DSCAML1: variants seen among roughly 807,000 people sequenced by gnomAD.
DSCAML1 encodes cell adhesion molecule DSCAML1.
A neutral mutation model predicts 200.5 loss-of-function variants in DSCAML1; 38 were observed. That is an observed-to-expected ratio of 0.19 (90% CI 0.15 to 0.25). The LOEUF (loss-of-function observed/expected upper bound fraction) is 0.25, where lower values mean the gene tolerates loss of function less well. Ranked by LOEUF, DSCAML1 falls within the 10% of genes least tolerant of loss-of-function variation. The pLI, the probability that DSCAML1 is intolerant of heterozygous loss-of-function variation, is 1.00. For synonymous variants in DSCAML1, 1,215 were observed against 1,165.0 expected (o/e 1.04, Z -0.87); for missense variants, 2,223 against 2,858.8 (o/e 0.78, Z 5.07).
intron 3 of DSCAML1, among the ~76,000 whole-genome samples, chr11:117,752,303 C>G (rs1384090503): frequency 6.6e-6 from 1 of 152,110 alleles, no homozygotes; most frequent in Non-Finnish European, 1.5e-5. Flanking sequence ...AGGGGTGGAA[C>G]GACAATTTAT....
At position 117,450,630 on chromosome 11, in the gene DSCAML1, C is replaced by G; in HGVS notation, c.3627G>C (p.Val1209=). The change falls in exon 20 of 33, where the codon GTG becomes GTC. Residue 1209 remains valine (V), a synonymous_variant. Transcript: ENST00000651296. ...TGGGCTTGGTAGGGGGGAGCCAAGA[C>G]ACAACCACACTGCTAGCTGATGAAG... The part of the protein sequence containing the change: ...AVPSSASSVV[V]SWLPPTKPNG... 6.2e-7 allele frequency: 1 copy of G among 1,614,222 alleles called. No individual in the cohort carries two copies. The highest frequency in any genetic ancestry group is 8.5e-7 in the Non-Finnish European group (1 of 1,180,034).
chr11:117,490,245 G>A (rs747643097), intron 11 of DSCAML1, among the ~76,000 whole-genome samples: 5 of 152,198 alleles, frequency 3.3e-5, no homozygotes, highest in Non-Finnish European at 5.9e-5. Context: ...TGATGTAACC[G>A]GTTCCCGTCT....
At chr11:117,680,210 G>A (rs2137691857) in intron 3 of DSCAML1, among the ~76,000 whole-genome samples, 1 of 152,238 alleles carries the variant, frequency 6.6e-6, no homozygotes, top group African/African-American at 2.4e-5. Flanking sequence ...TTTCCATCAT[G>A]CAAATGGGAC....
rs2048881874 is a variant in DSCAML1, at chr11:117,480,171, C to G, written c.2785+272G>C. Among the ~76,000 whole-genome samples, 1 of 152,214 alleles carries G rather than the reference C, an allele frequency of 6.6e-6. No homozygotes were observed. The highest frequency in any genetic ancestry group is 1.5e-5 in the Non-Finnish European group (1 of 68,024). On this transcript the variant is annotated intron_variant, in intron 14 of 32. Coordinates refer to ENST00000651296, the MANE Select transcript of DSCAML1 (RefSeq NM_020693.4). This position sits in a 1 kb window ranked among gnomAD's most constrained non-coding sequence, Gnocchi z 4.1. ...TTACATGGCTTCAAATCAGACCACC[C>G]TTGGGGACCCTGGCCCAGGGACAGT...
intron 3 of DSCAML1, among the ~76,000 whole-genome samples, chr11:117,532,896 A>G (rs1382377566): frequency 6.6e-6 from 1 of 152,106 alleles, no homozygotes; most frequent in East Asian, 1.9e-4. Context: ...AGGCTGAGGC[A>G]GGAGGATCAC....
intron 3 of DSCAML1, among the ~76,000 whole-genome samples, chr11:117,771,668 G>A (rs543606723): frequency 1.3e-5 from 2 of 152,250 alleles, no homozygotes; most frequent in African/African-American, 2.4e-5. Context: ...GCTCACATCC[G>A]GGCCACATCT....
chr11:117,583,685 T>C (rs2051087039), intron 3 of DSCAML1, among the ~76,000 whole-genome samples: 2 of 152,236 alleles, frequency 1.3e-5, no homozygotes, highest in African/African-American at 4.8e-5. Context: ...TTGACCAGAT[T>C]AGGCCTGGAG....
chr11:117,730,869 A>G (rs1427745966), intron 3 of DSCAML1, among the ~76,000 whole-genome samples: 1 of 152,232 alleles, frequency 6.6e-6, no homozygotes, highest in Non-Finnish European at 1.5e-5. Flanking sequence ...GATGAACCTC[A>G]AAAACATTCT....
intron 3 of DSCAML1, among the ~76,000 whole-genome samples, chr11:117,706,233 G>A (rs933681265): frequency 2.0e-5 from 3 of 152,194 alleles, no homozygotes; most frequent in African/African-American, 7.2e-5. Flanking sequence ...TACATGAGCT[G>A]TGTCTGCTAG....
intron 1 of DSCAML1, among the ~76,000 whole-genome samples, chr11:117,786,606 T>C (rs1032420060): frequency 2.2e-4 from 34 of 152,140 alleles, no homozygotes; most frequent in African/African-American, 8.2e-4. Flanking sequence ...GATGGAAGTG[T>C]CTGTCTGCAG....
intron 3 of DSCAML1, among the ~76,000 whole-genome samples, chr11:117,623,906 G>A (rs1478802382): frequency 6.6e-6 from 1 of 152,138 alleles, no homozygotes; most frequent in Non-Finnish European, 1.5e-5. Flanking sequence ...TGAATAACAT[G>A]TGTTAAGACA....
chr11:117,697,559 G>C (rs2053604580), intron 3 of DSCAML1, among the ~76,000 whole-genome samples: 1 of 152,064 alleles, frequency 6.6e-6, no homozygotes, highest in African/African-American at 2.4e-5. Flanking sequence ...TCATCTTGCA[G>C]ATGAAACTCT....
Position 117,428,556 on chromosome 11 carries a change from G to A in DSCAML1, c.5934C>T (p.Ala1978=), listed in dbSNP as rs561070197. 1.9e-5 allele frequency: 30 copies of A among 1,549,816 alleles called. No homozygotes were observed. Among genetic ancestry groups the A allele is most frequent in the Middle Eastern group, 2.3e-4 (1 of 4,410 alleles). Residue 1978 remains alanine, a synonymous_variant, in exon 33 of 33, where the codon GCC becomes GCT. Coordinates refer to ENST00000651296, the MANE Select transcript of DSCAML1 (RefSeq NM_020693.4). ...TLPQRTLAMP[A]PPAGTAPPAP... is the part of the protein sequence containing the mutation. Reference sequence around the variant, plus strand: ...CTGGGGGGGCTGTGCCGGCTGGGGGGGCTGGCATGGCCAGAGTCCTCTGAG... The same window carrying A: ...CTGGGGGGGCTGTGCCGGCTGGGGGAGCTGGCATGGCCAGAGTCCTCTGAG...
intron 27 of DSCAML1, 60 bp from the exon 28 acceptor site, chr11:117,433,531 A>G: frequency 3.8e-6 from 6 of 1,573,446 alleles, no homozygotes; most frequent in South Asian, 2.3e-5. Flanking sequence ...CAGGATGACA[A>G]TGGGAGAGGC....
intron 3 of DSCAML1, among the ~76,000 whole-genome samples, chr11:117,685,690 G>A (rs1294011711): frequency 6.6e-6 from 1 of 152,190 alleles, no homozygotes; most frequent in Non-Finnish European, 1.5e-5. Flanking sequence ...GTACCTCTGG[G>A]TGACTTCCAG....
At chr11:117,569,001 G>A (rs1384114855) in intron 3 of DSCAML1, among the ~76,000 whole-genome samples, 1 of 152,120 alleles carries the variant, frequency 6.6e-6, no homozygotes. Flanking sequence ...AAAACAGCAT[G>A]GTACTGGTAC....
intron 3 of DSCAML1, among the ~76,000 whole-genome samples, chr11:117,682,559 G>T (rs576846312): frequency 6.6e-6 from 1 of 152,280 alleles, no homozygotes; most frequent in Non-Finnish European, 1.5e-5. Context: ...TAGGTGAAAA[G>T]AACTCCTACA....
intron 3 of DSCAML1, among the ~76,000 whole-genome samples, chr11:117,770,272 G>A (rs2055014167): frequency 6.6e-6 from 1 of 152,198 alleles, no homozygotes; most frequent in Non-Finnish European, 1.5e-5. Context: ...ACCCAGCAGG[G>A]GTCCAAGCTC....
chr11:117,435,520 C>T, intron 27 of DSCAML1, 124 bp downstream of exon 27: 2 of 1,165,680 alleles, frequency 1.7e-6, no homozygotes, highest in Non-Finnish European at 1.2e-6. Flanking sequence ...AGTGGCTGCT[C>T]CTCCTTCAAG....
Sources: allele counts gnomAD v4.1 joint callset (sites outside exome capture counted in the v4.1 genomes callset), GRCh38; gene constraint gnomAD v4.1.1; non-coding constraint Gnocchi (gnomAD v3.1); transcripts MANE v1.5; gene names NCBI Gene and HGNC (gene_info 2026-07-23, HGNC 2026-07-21).